DLGAP2: variants seen among roughly 807,000 people sequenced by gnomAD.
DLGAP2 encodes DLG associated protein 2.
A neutral mutation model predicts 100.3 loss-of-function variants in DLGAP2; 26 were observed. That is an observed-to-expected ratio of 0.26 (90% confidence interval 0.19 to 0.36). The LOEUF is 0.36. DLGAP2 is among the 10% of genes least tolerant of loss of function. The pLI, the probability that DLGAP2 is intolerant of heterozygous loss-of-function variation, is 1.00. For synonymous variants in DLGAP2, 886 were observed against 630.1 expected (o/e 1.41, Z -6.08); for missense variants, 1,858 against 1,453.2 (o/e 1.28, Z -4.53).
chr8:1,022,433 G>C (rs564763924), intron 2 of DLGAP2, among the ~76,000 whole-genome samples: 18 of 149,754 alleles, frequency 1.2e-4, no homozygotes, highest in Middle Eastern at 3.6e-3. Context: ...CCCTCCCTGG[G>C]AGTGGACGGT....
chr8:1,468,209 G>T (rs1274773665), intron 3 of DLGAP2, among the ~76,000 whole-genome samples: 1 of 152,172 alleles, frequency 6.6e-6, no homozygotes, highest in Non-Finnish European at 1.5e-5. Flanking sequence ...ATCCGGGCTG[G>T]CCCTGTGTCC....
intron 2 of DLGAP2, among the ~76,000 whole-genome samples, chr8:1,207,439 A>G (rs1798020019): frequency 6.6e-6 from 1 of 152,224 alleles, no homozygotes; most frequent in African/African-American, 2.4e-5. Flanking sequence ...GTAGTATTCC[A>G]TGGTATATAT....
At chr8:984,579 C>T (rs1244863971) in intron 2 of DLGAP2, among the ~76,000 whole-genome samples, 1 of 151,722 alleles carries the variant, frequency 6.6e-6, no homozygotes, top group Non-Finnish European at 1.5e-5. Context: ...TAGAGCAGGC[C>T]TGGCGCAGTA....
At chr8:1,192,988 C>A (rs1006559130) in intron 2 of DLGAP2, among the ~76,000 whole-genome samples, 18 of 152,192 alleles carry the variant, frequency 1.2e-4, no homozygotes, top group African/African-American at 4.1e-4. Context: ...CATGTCCTTA[C>A]AAAGGACATG....
chr8:1,697,781 T>A (rs527487307), intron 14 of DLGAP2, among the ~76,000 whole-genome samples: 231 of 152,332 alleles, frequency 1.5e-3, no homozygotes, highest in Middle Eastern at 6.8e-3. Flanking sequence ...TATACCTTAT[T>A]GAACCGTTTG....
intron 2 of DLGAP2, among the ~76,000 whole-genome samples, chr8:1,127,342 G>C (rs1411623073): frequency 1.3e-5 from 2 of 151,970 alleles, no homozygotes; most frequent in Admixed American, 1.3e-4. Flanking sequence ...GTCATGGAAC[G>C]GGCAGGCTGA....
In DLGAP2 at chr8:1,023,096, A is replaced by C. The variant is rs137855047; in HGVS notation, c.73+115130A>C. On this transcript the variant is annotated intron_variant, in intron 2 of 14. Transcript: ENST00000637795. ...TGCTGGCACCATGGTCAAGATGGTG[A>C]CCTTTTCTCCCCAGGCATTGGCGTG... is the stretch of plus-strand genomic sequence containing the variant. Among the ~76,000 whole-genome samples, 143 of 152,308 alleles carry C rather than the reference A, an allele frequency of 9.4e-4. 1 individual carries two copies. The highest frequency in any genetic ancestry group is 6.8e-3 in the Middle Eastern group (2 of 294).
chr8:1,646,188 A>C (rs1269252574), intron 8 of DLGAP2, among the ~76,000 whole-genome samples: 1 of 152,140 alleles, frequency 6.6e-6, no homozygotes, highest in Non-Finnish European at 1.5e-5. Context: ...CGTCCTATCT[A>C]GTGGAAGAAA....
At chr8:1,102,867 CTCTGGGGTCTCTGGTTT>C (rs1370147969) in intron 2 of DLGAP2, among the ~76,000 whole-genome samples, 1 of 151,182 alleles carries the variant, frequency 6.6e-6, no homozygotes, top group African/African-American at 2.4e-5. Flanking sequence ...CTTTGTGAGT[CTCTGGGGTCTCTGGTTT>C]TCTGGGGTCT....
intron 1 of DLGAP2, among the ~76,000 whole-genome samples, chr8:844,715 T>C (rs1051326974): frequency 4.6e-5 from 7 of 152,232 alleles, no homozygotes; most frequent in African/African-American, 2.4e-5. Flanking sequence ...TATCTTTTAT[T>C]AACAAATTTA....
chr8:824,516 C>T (rs1018139533), intron 1 of DLGAP2, among the ~76,000 whole-genome samples: 3 of 152,198 alleles, frequency 2.0e-5, no homozygotes, highest in Admixed American at 6.5e-5. Flanking sequence ...TTACGGGCAG[C>T]TTTTATGGTT....
At chr8:1,467,017 G>C (rs1000629275) in intron 3 of DLGAP2, among the ~76,000 whole-genome samples, 2 of 152,182 alleles carry the variant, frequency 1.3e-5, no homozygotes, top group Non-Finnish European at 2.9e-5. Context: ...AAGAAAGTGG[G>C]GGGGATGTGG....
At chr8:1,605,989 A>T (rs1246934681) in intron 6 of DLGAP2, among the ~76,000 whole-genome samples, 1 of 152,210 alleles carries the variant, frequency 6.6e-6, no homozygotes, top group Non-Finnish European at 1.5e-5. Flanking sequence ...GGTTAATTAT[A>T]ATACCTTCCG....
At chr8:1,207,025 C>T (rs1341322902) in intron 2 of DLGAP2, among the ~76,000 whole-genome samples, 1 of 152,222 alleles carries the variant, frequency 6.6e-6, no homozygotes, top group Non-Finnish European at 1.5e-5. Context: ...ACACAGAGCT[C>T]ACCCAGGTTT....
intron 6 of DLGAP2, among the ~76,000 whole-genome samples, chr8:1,569,572 T>C (rs746262218): frequency 5.3e-5 from 8 of 152,266 alleles, no homozygotes; most frequent in African/African-American, 1.9e-4. Flanking sequence ...GTTTATCTTA[T>C]ATTCCTTCAC....
intron 3 of DLGAP2, among the ~76,000 whole-genome samples, chr8:1,417,725 A>AGGGGGGCACGGGGAGCCCCACTCCT (rs1452006281): frequency 6.2e-5 from 9 of 144,344 alleles, no homozygotes; most frequent in Non-Finnish European, 9.0e-5. Flanking sequence ...GCGAGGCTCC[A>AGGGGGGCACGGGGAGCCCCACTCCT]GACACAGAAG....
At chr8:1,444,739 C>A (rs970095181) in intron 3 of DLGAP2, among the ~76,000 whole-genome samples, 1 of 148,188 alleles carries the variant, frequency 6.7e-6, no homozygotes, top group African/African-American at 2.5e-5. Context: ...GCATAGTAGG[C>A]ATTTCATGAT....
chr8:1,383,304 A>T (rs1796138365), intron 3 of DLGAP2, among the ~76,000 whole-genome samples: 1 of 152,252 alleles, frequency 6.6e-6, no homozygotes, highest in Non-Finnish European at 1.5e-5. Context: ...ATTCTCAAAT[A>T]TGGAAAAGGT....
At chr8:840,719 T>C (rs1270209727) in intron 1 of DLGAP2, among the ~76,000 whole-genome samples, 4 of 107,466 alleles carry the variant, frequency 3.7e-5, no homozygotes, top group Non-Finnish European at 5.7e-5. Context: ...ATTCTGTGAG[T>C]GCATTTACAC....
Sources: allele counts gnomAD v4.1 joint callset (sites outside exome capture counted in the v4.1 genomes callset), GRCh38; gene constraint gnomAD v4.1.1; transcripts MANE v1.5; gene names NCBI Gene and HGNC (gene_info 2026-07-23, HGNC 2026-07-21).